The following IGBP1 variants were observed in gnomAD, a reference collection of about 807,000 sequenced individuals.
IGBP1 encodes the protein immunoglobulin-binding protein 1.
In IGBP1, 2 loss-of-function variants were observed where a neutral mutation model predicts 25.9. That is an observed-to-expected ratio of 0.08 (90% CI 0.03 to 0.24). The LOEUF (loss-of-function observed/expected upper bound fraction) is 0.24. Ranked by LOEUF, IGBP1 falls within the 10% of genes least tolerant of loss-of-function variation. The pLI, the probability that IGBP1 is intolerant of heterozygous loss-of-function variation, is 1.00. For synonymous variants in IGBP1, 96 were observed against 93.4 expected (o/e 1.03, Z -0.16); for missense variants, 187 against 260.4 (o/e 0.72, Z 1.94).
chrX:70,142,077 A>C (rs766189492), intron 3 of IGBP1, among the ~76,000 whole-genome samples: 68 of 111,995 alleles, frequency 6.1e-4, no homozygotes, highest in Middle Eastern at 4.6e-3. Context: ...TCATTCCTGC[A>C]ATCCCAGCAC....
intron 6 of IGBP1, among the ~76,000 whole-genome samples, chrX:70,157,841 T>C (rs952157691): frequency 6.2e-5 from 7 of 112,129 alleles, no homozygotes; most frequent in Non-Finnish European, 1.3e-4. Flanking sequence ...ACTGATTACA[T>C]GGATGTGTTC....
rs761280434 is a variant in IGBP1, at chrX:70,146,810, A to C, written c.660A>C (p.Glu220Asp). The C allele has an allele frequency of 9.2e-6, 11 of 1,195,700 alleles. No individual in the cohort carries two copies. In the South Asian group the frequency reaches 1.9e-4, roughly 21 times the overall value. The change falls in exon 4 of 7, where the codon GAA (glutamate) becomes GAC (aspartate). Residue 220 changes from glutamate to aspartate, a missense_variant. Glu to Asp is a conservative substitution (Grantham distance 45). Coordinates refer to ENST00000356413, the MANE Select transcript of IGBP1 (RefSeq NM_001551.3). ...ACCAGGAAATAAAGATCCTGAGAGA[A>C]AGAGACTCTTCAAGAGAGGTAAGCC... ...SIDQEIKILRERDSSREASTS... is the reference protein window; with the variant it reads ...SIDQEIKILRDRDSSREASTS...
At position 70,134,415 on chromosome X, in the gene IGBP1, C is replaced by T. The variant is rs2085082497; in HGVS notation, c.189-108C>T. 2.0e-5 allele frequency: 17 copies of T among 846,339 alleles called. No individual in the cohort carries two copies. The South Asian group carries it at 3.7e-4, about 18-fold the overall frequency. 69.7% of individuals were successfully genotyped at this position (846,339 alleles called of 1,213,427 possible). On this transcript the variant is annotated intron_variant, in intron 2 of 6. Coordinates refer to ENST00000356413, the MANE Select transcript of IGBP1 (RefSeq NM_001551.3). Reference sequence around the variant, plus strand: ...AACTGGCCGCTGTTCCCCGTGCCTCCTCCCTCTGGTCCACTCCCAGCCCAG... The same window carrying T: ...AACTGGCCGCTGTTCCCCGTGCCTCTTCCCTCTGGTCCACTCCCAGCCCAG...
intron 4 of IGBP1, 31 bp from the exon 5 acceptor site, chrX:70,148,730 A>T: frequency 1.2e-4 from 117 of 941,403 alleles, no homozygotes; most frequent in Non-Finnish European, 1.6e-4. Flanking sequence ...AAAATGGCAA[A>T]TTCACCTCTC....
intron 3 of IGBP1, among the ~76,000 whole-genome samples, chrX:70,142,777 C>CCACTG (rs755919116): frequency 1.8e-5 from 2 of 110,346 alleles, no homozygotes; most frequent in Non-Finnish European, 3.8e-5. Flanking sequence ...TGTCATCACA[C>CCACTG]CACTGCACTC....
At chrX:70,163,630 A>G (rs1167012360) in intron 6 of IGBP1, among the ~76,000 whole-genome samples, 1 of 111,778 alleles carries the variant, frequency 8.9e-6, no homozygotes, top group Non-Finnish European at 1.9e-5. Context: ...TAACATTACA[A>G]CGAGACAGAG....
chrX:70,139,385 G>A (rs770829279), intron 3 of IGBP1, among the ~76,000 whole-genome samples: 13 of 110,994 alleles, frequency 1.2e-4, no homozygotes, highest in African/African-American at 4.3e-4. Context: ...CTATTGTTTT[G>A]ATTTGCATTT....
Position 70,145,033 on chromosome X carries a change from C to CA in IGBP1, c.483-1589dup, listed in dbSNP as rs779060279. Among the ~76,000 whole-genome samples, 71 of 95,377 alleles carry CA rather than the reference C, an allele frequency of 7.4e-4. No homozygotes were observed. In the Middle Eastern group the frequency reaches 0.016, roughly 21 times the overall value. The allele number at this position is 95,377 out of a possible 115,157, so 82.8% of individuals were successfully genotyped here. ...ATAAAATCTATAAAAATTTCTCAGC[C>CA]AAAAAAAAAAAGAAGAAAGAAAAAG... On this transcript the variant is annotated intron_variant, in intron 3 of 6. Coordinates refer to ENST00000356413, the MANE Select transcript of IGBP1 (RefSeq NM_001551.3).
chrX:70,163,214 A>G (rs1015601491), intron 6 of IGBP1, among the ~76,000 whole-genome samples: 5 of 109,777 alleles, frequency 4.6e-5, no homozygotes, highest in African/African-American at 1.3e-4. Context: ...TTTTGAGCCA[A>G]TATAAGTGTC....
At chrX:70,143,248 G>A (rs768974464) in intron 3 of IGBP1, among the ~76,000 whole-genome samples, 21 of 110,946 alleles carry the variant, frequency 1.9e-4, no homozygotes, top group African/African-American at 6.2e-4. Context: ...TTGTTAGGCC[G>A]GTCTCGAACT....
intron 4 of IGBP1, chrX:70,148,490 G>T (rs2085181350): frequency 3.0e-6 from 1 of 329,296 alleles, no homozygotes; most frequent in African/African-American, 2.7e-5. Context: ...TTTGGACAGG[G>T]TATTTTAAAG....
In IGBP1 at chrX:70,136,926, C is replaced by T. The variant is rs187602746; in HGVS notation, c.482+2110C>T. On this transcript the variant is annotated intron_variant, in intron 3 of 6. Transcript: ENST00000356413. ...TTTGCCGTGCTGGCCAGGCTGGTCTCGAACTCCTGATCTCAGGTGATCTAC... is the reference window on the plus strand; with the variant it reads ...TTTGCCGTGCTGGCCAGGCTGGTCTTGAACTCCTGATCTCAGGTGATCTAC... 2.9e-4 allele frequency among the ~76,000 whole-genome samples: 32 copies of T among 110,578 alleles called. No individual in the cohort carries two copies. In the East Asian group the frequency reaches 4.5e-3, roughly 16 times the overall value.
chrX:70,141,346 CAA>C (rs377628315), intron 3 of IGBP1, among the ~76,000 whole-genome samples: 1 of 86,030 alleles, frequency 1.2e-5, no homozygotes. Context: ...GACCCTGTTG[CAA>C]AAAAAAAAAA....
intron 6 of IGBP1, among the ~76,000 whole-genome samples, chrX:70,156,466 T>G (rs957026918): frequency 1.8e-5 from 2 of 111,555 alleles, no homozygotes; most frequent in Non-Finnish European, 3.8e-5. Flanking sequence ...ACTGAATATG[T>G]CCTCAGACCA....
chrX:70,147,300 G>C (rs79522722), intron 4 of IGBP1, among the ~76,000 whole-genome samples: 50 of 110,963 alleles, frequency 4.5e-4, no homozygotes, highest in African/African-American at 1.4e-3. Context: ...GTGCGCGTCT[G>C]TGATCCCAGC....
intron 6 of IGBP1, among the ~76,000 whole-genome samples, chrX:70,150,996 TG>T (rs1229418028): frequency 2.7e-5 from 3 of 110,464 alleles, no homozygotes; most frequent in Non-Finnish European, 5.7e-5. Flanking sequence ...GTCTCGCTCT[TG>T]CCCTCCAGGC....
chrX:70,142,547 A>G (rs1022061238), intron 3 of IGBP1, among the ~76,000 whole-genome samples: 1 of 110,723 alleles, frequency 9.0e-6, no homozygotes, highest in African/African-American at 3.3e-5. Flanking sequence ...GGTTGGGCAC[A>G]GTGGCTTGTG....
chrX:70,148,735 C>G, intron 4 of IGBP1, 26 bp from the exon 5 acceptor site: 3 of 1,070,934 alleles, frequency 2.8e-6, no homozygotes, highest in South Asian at 1.9e-5. Flanking sequence ...GGCAAATTCA[C>G]CTCTCATAAT....
chrX:70,152,611 C>T (rs2085210189), intron 6 of IGBP1, among the ~76,000 whole-genome samples: 1 of 111,584 alleles, frequency 9.0e-6, no homozygotes, highest in Non-Finnish European at 1.9e-5. Flanking sequence ...GGGCAGAGAG[C>T]AAAATATGTT....
Sources: gnomAD v4.1 joint callset for allele counts (sites outside exome capture counted in the v4.1 genomes callset) on GRCh38, gnomAD v4.1.1 for gene constraint, MANE v1.5 for transcripts, NCBI Gene and HGNC (gene_info 2026-07-23, HGNC 2026-07-21) for gene names.